SUCLG2: variants seen among roughly 807,000 people sequenced by gnomAD.
SUCLG2 encodes the protein succinate--CoA ligase [GDP-forming] subunit beta, mitochondrial.
SUCLG2 carries 42 observed loss-of-function variants against 47.9 expected under a neutral mutation model. The observed-to-expected ratio is 0.88, with a 90% CI of 0.69 to 1.14. SUCLG2 has a LOEUF of 1.14. SUCLG2 is among the 50% of genes most tolerant of loss of function. The probability of loss-of-function intolerance (pLI) is 0.00; values close to 1 mark genes in which losing one functional copy is unlikely to be tolerated. For missense variants in SUCLG2, 571 were observed against 525.9 expected (o/e 1.09, Z -0.84); for synonymous variants, 195 against 197.3 (o/e 0.99, Z 0.10).
At chr3:67,606,487 C>A (rs1246571233) in intron 2 of SUCLG2, among the ~76,000 whole-genome samples, 1 of 152,096 alleles carries the variant, frequency 6.6e-6, no homozygotes, top group Admixed American at 6.6e-5. Context: ...GATCAAAGAC[C>A]AACTTGAACT....
At chr3:67,399,424 T>C (rs1426275925) in intron 10 of SUCLG2, among the ~76,000 whole-genome samples, 1 of 152,208 alleles carries the variant, frequency 6.6e-6, no homozygotes, top group East Asian at 1.9e-4. Context: ...CTTGGTTAGC[T>C]GGCAGACATT....
At chr3:67,543,079 C>T (rs1331420050) in intron 2 of SUCLG2, among the ~76,000 whole-genome samples, 1 of 152,160 alleles carries the variant, frequency 6.6e-6, no homozygotes, top group Non-Finnish European at 1.5e-5. Flanking sequence ...GTAAAACATT[C>T]CTCAGCAAAT....
intron 2 of SUCLG2, among the ~76,000 whole-genome samples, chr3:67,572,561 T>TA (rs768913119): frequency 6.6e-6 from 1 of 152,044 alleles, no homozygotes; most frequent in Admixed American, 6.5e-5. Context: ...CCCTGCACAG[T>TA]AAAAAAATGT....
intron 10 of SUCLG2, among the ~76,000 whole-genome samples, chr3:67,362,457 G>C (rs1701818471): frequency 6.6e-6 from 1 of 152,132 alleles, no homozygotes; most frequent in African/African-American, 2.4e-5. Context: ...ATGTATTTGT[G>C]TTACTTTATA....
At chr3:67,564,469 C>T (rs749710002) in intron 2 of SUCLG2, among the ~76,000 whole-genome samples, 39 of 152,318 alleles carry the variant, frequency 2.6e-4, no homozygotes, top group African/African-American at 9.1e-4. Context: ...AGAAACAAAA[C>T]GCCACAGGTA....
intron 2 of SUCLG2, among the ~76,000 whole-genome samples, chr3:67,573,800 A>C (rs1252572053): frequency 1.3e-5 from 2 of 151,964 alleles, no homozygotes; most frequent in African/African-American, 4.8e-5. Flanking sequence ...TTTTCACCCA[A>C]TAAAACCCTG....
chr3:67,592,723 A>AAC (rs1708193033), intron 2 of SUCLG2, among the ~76,000 whole-genome samples: 1 of 113,786 alleles, frequency 8.8e-6, no homozygotes, highest in African/African-American at 3.4e-5. Flanking sequence ...TCCTCCAAAA[A>AAC]AAAAAAAAAA....
In SUCLG2 at chr3:67,365,853, T is replaced by A. The variant is rs993633509; in HGVS notation, c.1184-5085A>T. Among the ~76,000 whole-genome samples, 5 of 152,146 alleles carry A rather than the reference T, an allele frequency of 3.3e-5. No homozygotes were observed. The East Asian group carries it at 9.6e-4, about 29-fold the overall frequency. ...AATTGAAAACAAAACTATAACGAAATATATTAAATTTGTACAGGCAGTTTG... is the reference window on the plus strand; with the variant it reads ...AATTGAAAACAAAACTATAACGAAAAATATTAAATTTGTACAGGCAGTTTG... On this transcript the variant is annotated intron_variant, in intron 10 of 10. Transcript: ENST00000493112.
At chr3:67,491,945 C>A (rs909827461) in intron 9 of SUCLG2, among the ~76,000 whole-genome samples, 1 of 152,082 alleles carries the variant, frequency 6.6e-6, no homozygotes, top group Non-Finnish European at 1.5e-5. Flanking sequence ...AAATAGCATG[C>A]CCAAGGTCCC....
At chr3:67,415,558 T>C (rs539659857) in intron 9 of SUCLG2, among the ~76,000 whole-genome samples, 50 of 152,232 alleles carry the variant, frequency 3.3e-4, no homozygotes, top group Non-Finnish European at 6.0e-4. Context: ...TAAACCCTCA[T>C]GTGACTCCAG....
intron 9 of SUCLG2, among the ~76,000 whole-genome samples, chr3:67,469,481 G>A (rs932052429): frequency 1.3e-5 from 2 of 152,120 alleles, no homozygotes; most frequent in Admixed American, 1.3e-4. Context: ...TGTAATTATA[G>A]CACTTTGGGA....
chr3:67,521,009 AG>A (rs1322144962), intron 4 of SUCLG2, among the ~76,000 whole-genome samples: 1 of 152,190 alleles, frequency 6.6e-6, no homozygotes, highest in African/African-American at 2.4e-5. Flanking sequence ...GACTTTTCTC[AG>A]ATTTCACTGG....
intron 2 of SUCLG2, among the ~76,000 whole-genome samples, chr3:67,555,158 G>T (rs527821861): frequency 6.6e-6 from 1 of 152,280 alleles, no homozygotes; most frequent in East Asian, 1.9e-4. Context: ...GTTTCTTGCT[G>T]TTGGAGGAAC....
At chr3:67,389,780 C>T (rs1288149253) in intron 10 of SUCLG2, among the ~76,000 whole-genome samples, 1 of 151,922 alleles carries the variant, frequency 6.6e-6, no homozygotes, top group Non-Finnish European at 1.5e-5. Flanking sequence ...GAGATGGAAA[C>T]ATTTTGGACG....
rs963641923 is a variant in SUCLG2 at position 67,604,336 on chromosome 3, T to C, written c.226+5119A>G. Among the ~76,000 whole-genome samples, 4 of 152,314 alleles carry C rather than the reference T, an allele frequency of 2.6e-5. No homozygotes were observed. In the East Asian group the frequency reaches 7.7e-4, roughly 29 times the overall value. On this transcript the variant is annotated intron_variant, in intron 2 of 10. Coordinates refer to ENST00000307227, the MANE Select transcript of SUCLG2 (RefSeq NM_003848.4). The stretch of plus-strand genomic sequence containing the variant: ...CCTGCCACATCTAGTTTTAATCCAA[T>C]CTTCTAATTTTATTAATATGCATTT...
intron 6 of SUCLG2, among the ~76,000 whole-genome samples, chr3:67,518,015 A>G (rs957032226): frequency 6.6e-6 from 1 of 152,246 alleles, no homozygotes; most frequent in East Asian, 1.9e-4. Flanking sequence ...ATGTGTCCAC[A>G]TGCAATACAC....
intron 10 of SUCLG2, among the ~76,000 whole-genome samples, chr3:67,380,169 T>G (rs984036370): frequency 2.6e-5 from 4 of 151,772 alleles, no homozygotes; most frequent in African/African-American, 9.7e-5. Context: ...GGAGGGATTT[T>G]TTTTTTTTTT....
intron 9 of SUCLG2, among the ~76,000 whole-genome samples, chr3:67,410,783 G>C (rs559967537): frequency 2.3e-4 from 35 of 152,238 alleles, no homozygotes; most frequent in African/African-American, 6.7e-4. Context: ...TAACAAATCA[G>C]CTATTAGAAT....
At chr3:67,619,279 A>T (rs928283726) in intron 1 of SUCLG2, among the ~76,000 whole-genome samples, 4 of 152,214 alleles carry the variant, frequency 2.6e-5, no homozygotes, top group Admixed American at 2.6e-4. Context: ...TTCTCCAATT[A>T]AAGGAAGATA....
Sources: allele counts gnomAD v4.1 joint callset (sites outside exome capture counted in the v4.1 genomes callset), GRCh38; gene constraint gnomAD v4.1.1; transcripts MANE v1.5; gene names NCBI Gene and HGNC (gene_info 2026-07-23, HGNC 2026-07-21).